The following EXOC3L2 variants were observed in gnomAD, a reference collection of about 807,000 sequenced individuals.
The protein encoded by EXOC3L2 is exocyst complex component 3-like protein 2.
EXOC3L2 carries 17 observed loss-of-function variants against 44.4 expected under a neutral mutation model. The observed-to-expected ratio is 0.38, with a 90% CI of 0.26 to 0.57. The LOEUF is 0.57. Ranked by LOEUF, EXOC3L2 falls within the 20% of genes least tolerant of loss-of-function variation. The probability of loss-of-function intolerance (pLI) is 0.65; values close to 1 mark genes in which losing one functional copy is unlikely to be tolerated. For synonymous variants in EXOC3L2, 256 were observed against 253.7 expected (o/e 1.01, Z -0.09); for missense variants, 541 against 588.4 (o/e 0.92, Z 0.83).
At chr19:45,224,251 T>TG (rs1009506100) in intron 8 of EXOC3L2, among the ~76,000 whole-genome samples, 1 of 151,746 alleles carries the variant, frequency 6.6e-6, no homozygotes, top group African/African-American at 2.4e-5. Context: ...TGCCGGGTTG[T>TG]GGGGGCTACA....
rs367589758 is a variant in EXOC3L2, at chr19:45,232,799, C to G, written c.1158-925G>C. Among the ~76,000 whole-genome samples, 3 of 152,102 alleles carry G rather than the reference C, an allele frequency of 2.0e-5. No individual in the cohort carries two copies. In the East Asian group the frequency reaches 5.8e-4, roughly 29 times the overall value. On this transcript the variant is annotated intron_variant, in intron 3 of 11. Transcript: ENST00000413988. ...CAGCACTCAAGTCCTAAAACTGGCCCGGGCATGGTGGCTCACACCTGTAAT... is the reference window on the plus strand; with the variant it reads ...CAGCACTCAAGTCCTAAAACTGGCCGGGGCATGGTGGCTCACACCTGTAAT...
At chr19:45,218,024 G>A (rs922468732) in intron 9 of EXOC3L2, among the ~76,000 whole-genome samples, 173 bp downstream of exon 9, 3 of 152,108 alleles carry the variant, frequency 2.0e-5, no homozygotes, top group Admixed American at 1.3e-4. Context: ...ACCCCGGGCA[G>A]GGGCCACCTC....
chr19:45,227,656 C>A lies in EXOC3L2; in HGVS notation c.1583+6G>T. 1.2e-6 allele frequency: 2 copies of A among 1,607,824 alleles called. No individual in the cohort carries two copies. Among genetic ancestry groups the A allele is most frequent in the Admixed American group, 1.7e-5 (1 of 58,834 alleles). On this transcript the variant is annotated splice_donor_region_variant and intron_variant, in intron 7 of 11. Coordinates refer to ENST00000413988, the MANE Select transcript of EXOC3L2 (RefSeq NM_001382422.1). ...CCTCCCTCCATCACACCATGGATGC[C>A]CTCACCTCAGTGGGGGGCCGCAGTT...
In EXOC3L2 at chr19:45,238,921, T is replaced by C. The variant is rs1599768982; in HGVS notation, c.125A>G (p.Glu42Gly). The change falls in exon 2 of 12, where the codon GAG becomes GGG. Residue 42 changes from glutamate (E) to glycine (G), a missense_variant. By Grantham distance (98) the Glu-to-Gly change is moderately conservative. Transcript: ENST00000413988. This position sits in a 1 kb window ranked among gnomAD's most constrained non-coding sequence, Gnocchi z 5.5. ...VSGLEEEEAG[E>G]LGSLPNGTSC... ...TGTTCCATTGGGGAGGGACCCCAGC[T>C]CCCCGGCCTCTTCTTCCTCCAGCCC... 16 of 399,126 alleles carry C rather than the reference T, an allele frequency of 4.0e-5. No individual in the cohort carries two copies. The East Asian group carries it at 5.7e-4, about 14-fold the overall frequency. 24.7% of individuals were successfully genotyped at this position (399,126 alleles called of 1,614,324 possible). A position where few individuals can be genotyped will look rare whatever the true frequency, so the allele number is the denominator to read the frequency against.
rs761167246 is a variant in EXOC3L2, at chr19:45,231,869, A to G, written c.1163T>C (p.Val388Ala). ...HWHNQVYPRE[V>A]LGLVDMAALE... ...GGCGGCCATGTCCACCAGCCCTAGG[A>G]CCTCTCTGGGGATGGGGGTGAGAGA... The change falls in exon 4 of 12, where the codon GTC (valine) becomes GCC (alanine). Residue 388 changes from valine to alanine, a missense_variant. Physicochemically the swap from Val to Ala is moderately conservative, Grantham distance 64. Transcript: ENST00000413988. 5 of 1,590,194 alleles carry G rather than the reference A, an allele frequency of 3.1e-6. No homozygotes were observed. The South Asian group carries it at 3.3e-5, about 11-fold the overall frequency.
chr19:45,215,950 C>T (rs1032787614), intron 11 of EXOC3L2, 123 bp downstream of exon 11: 36 of 1,378,808 alleles, frequency 2.6e-5, no homozygotes, highest in Middle Eastern at 2.0e-4. Flanking sequence ...CAGCAGGAAA[C>T]GGCCGTCAGA....
chr19:45,225,413 C>T (rs180682471), intron 7 of EXOC3L2, among the ~76,000 whole-genome samples: 96 of 151,946 alleles, frequency 6.3e-4, no homozygotes, highest in African/African-American at 2.1e-3. Context: ...GGACTACAGG[C>T]GCCCACCACC....
At chr19:45,216,398 G>A (rs1160623955) in intron 10 of EXOC3L2, among the ~76,000 whole-genome samples, 1 of 151,980 alleles carries the variant, frequency 6.6e-6, no homozygotes, top group Non-Finnish European at 1.5e-5. Flanking sequence ...GGCCAGTATG[G>A]TGAAACCCCA....
rs934373626 is a variant in EXOC3L2 at position 45,216,093 on chromosome 19, C to T, written c.2100G>A (p.Val700=). The T allele has an allele frequency of 1.9e-6, 3 of 1,613,784 alleles. No individual in the cohort carries two copies. The highest frequency in any genetic ancestry group is 1.6e-4 in the Middle Eastern group (1 of 6,084). The change falls in exon 11 of 12, where the codon GTG becomes GTA. Residue 700 remains valine (V), a synonymous_variant. Transcript: ENST00000413988. The stretch of plus-strand genomic sequence containing the variant: ...CTCACCTGATGTCTGGGTAGTCGCG[C>T]ACCAACACTCCCACCTCCACCTGGA... ...PSIQVEVGVL[V]RDYPDIRQKH...
At chr19:45,220,959 G>C (rs572550902) in intron 8 of EXOC3L2, among the ~76,000 whole-genome samples, 1 of 151,716 alleles carries the variant, frequency 6.6e-6, no homozygotes, top group Non-Finnish European at 1.5e-5. Flanking sequence ...ACCACCTGTG[G>C]GGAGGGAAGG....
At chr19:45,235,714 A>G (rs889664712) in intron 2 of EXOC3L2, among the ~76,000 whole-genome samples, 22 of 151,954 alleles carry the variant, frequency 1.4e-4, no homozygotes, top group African/African-American at 5.3e-4. Flanking sequence ...GGCCAGCGCT[A>G]TTTCTGCCCA....
chr19:45,222,088 C>G (rs924233896), intron 8 of EXOC3L2, among the ~76,000 whole-genome samples: 1 of 151,974 alleles, frequency 6.6e-6, no homozygotes, highest in African/African-American at 2.4e-5. Flanking sequence ...ACGGCGCACA[C>G]ACACACACAA....
intron 1 of EXOC3L2, among the ~76,000 whole-genome samples, chr19:45,244,725 G>A (rs966090638): frequency 2.0e-5 from 3 of 152,058 alleles, no homozygotes; most frequent in African/African-American, 4.8e-5. Context: ...CTCGGTTTGC[G>A]GAATCCATCA....
intron 8 of EXOC3L2, among the ~76,000 whole-genome samples, chr19:45,220,538 T>G (rs1308877157): frequency 6.6e-6 from 1 of 152,062 alleles, no homozygotes; most frequent in Non-Finnish European, 1.5e-5. Flanking sequence ...AATAATAACT[T>G]TAAGACAGTG....
Position 45,217,533 on chromosome 19 carries a change from G to A in EXOC3L2, c.1993C>T (p.Arg665Trp), listed in dbSNP as rs962325003. Reference sequence around the variant, plus strand: ...AACCGCGTCCCGACACTGACCAGCCGCCGGAACAGCCTCTGCAGTTGCGCC... The same window carrying A: ...AACCGCGTCCCGACACTGACCAGCCACCGGAACAGCCTCTGCAGTTGCGCC... Reference protein sequence around the residue: ...DAAQLQRLFRRLESQASWLDA... With the variant: ...DAAQLQRLFRWLESQASWLDA... The change falls in exon 10 of 12, where the codon CGG becomes TGG. Residue 665 changes from arginine (R) to tryptophan (W), a missense_variant. Physicochemically the swap from Arg to Trp is moderately radical, Grantham distance 101. Transcript: ENST00000413988. 4 of 1,576,300 alleles carry A rather than the reference G, an allele frequency of 2.5e-6. No individual in the cohort carries two copies. Among genetic ancestry groups the A allele is most frequent in the South Asian group, 1.1e-5 (1 of 87,322 alleles).
chr19:45,244,211 A>G (rs542580400), intron 1 of EXOC3L2, among the ~76,000 whole-genome samples: 2 of 152,000 alleles, frequency 1.3e-5, no homozygotes, highest in African/African-American at 4.8e-5. Context: ...ATGAGCCACC[A>G]CACCCAGCCT....
At chr19:45,222,201 C>CTT (rs60929770) in intron 8 of EXOC3L2, among the ~76,000 whole-genome samples, 7,351 of 137,134 alleles carry the variant, frequency 0.054, 273 homozygotes, top group East Asian at 0.076. Context: ...TTTTTCTCTC[C>CTT]TTTTTTTTTT....
At chr19:45,233,826 C>A (rs1031526210) in intron 3 of EXOC3L2, among the ~76,000 whole-genome samples, 1 of 152,056 alleles carries the variant, frequency 6.6e-6, no homozygotes, top group Non-Finnish European at 1.5e-5. Context: ...AAAGTAGCAA[C>A]GCAAAGGTTC....
rs1969788295 is a variant in EXOC3L2, at chr19:45,212,739, C to T, written c.*330G>A. 8.9e-6 allele frequency: 2 copies of T among 224,274 alleles called. No individual in the cohort carries two copies. The highest frequency in any genetic ancestry group is 1.7e-5 in the Non-Finnish European group (2 of 117,148). The allele number at this position is 224,274 out of a possible 1,614,324, so 13.9% of individuals were successfully genotyped here. On this transcript the variant is annotated 3_prime_UTR_variant, in exon 12 of 12. Coordinates refer to ENST00000413988, the MANE Select transcript of EXOC3L2 (RefSeq NM_001382422.1). The stretch of plus-strand genomic sequence containing the variant: ...CCTCACCAGTAGCTGGGACTACAGG[C>T]ACACACCACCGTGCCCAGCTAATTT...
Sources: gnomAD v4.1 joint callset for allele counts (sites outside exome capture counted in the v4.1 genomes callset) on GRCh38, gnomAD v4.1.1 for gene constraint, Gnocchi (gnomAD v3.1) non-coding constraint, MANE v1.5 for transcripts, NCBI Gene and HGNC (gene_info 2026-07-23, HGNC 2026-07-21) for gene names.